The following EPHA6 variants were observed in gnomAD, a reference collection of about 807,000 sequenced individuals.
EPHA6 encodes the protein ephrin type-A receptor 6.
EPHA6 carries 50 observed loss-of-function variants against 112.0 expected under a neutral mutation model. The ratio of observed to expected loss-of-function variants is 0.45; its 90% CI spans 0.36 to 0.56. EPHA6 has a LOEUF of 0.56. Among genes scored for constraint, EPHA6 ranks in the 20% least tolerant of loss-of-function variants. EPHA6 has a pLI of 0.00. For missense variants in EPHA6, 1,280 were observed against 1,417.4 expected (o/e 0.90, Z 1.56); for synonymous variants, 529 against 490.7 (o/e 1.08, Z -1.03).
At chr3:97,182,069 G>C (rs1053377751) in intron 3 of EPHA6, among the ~76,000 whole-genome samples, 2 of 152,074 alleles carry the variant, frequency 1.3e-5, no homozygotes, top group African/African-American at 4.8e-5. Flanking sequence ...ATACCCCAGA[G>C]AAAAGATGAA....
chr3:96,881,372 A>G (rs9870572), intron 2 of EPHA6, among the ~76,000 whole-genome samples: 2,723 of 152,288 alleles, frequency 0.018, 72 homozygotes, highest in African/African-American at 0.049. Context: ...CTCTTCTTAC[A>G]TGGTGGTGGC....
chr3:97,254,647 A>G (rs2079249761), intron 5 of EPHA6, among the ~76,000 whole-genome samples: 2 of 152,192 alleles, frequency 1.3e-5, no homozygotes, highest in Non-Finnish European at 2.9e-5. Flanking sequence ...TAATCTAAAG[A>G]GAATGTAGAG....
rs369324200 is a variant in EPHA6 at position 97,345,077 on chromosome 3, A to AG, written c.1607-60069dup. ...AGGCAAAGTAGAGGGAAGCCAAATGAGGGGAAAAAAAAAAGGTCCAACCAA... is the reference window on the plus strand; with the variant it reads ...AGGCAAAGTAGAGGGAAGCCAAATGAGGGGGAAAAAAAAAAGGTCCAACCAA... On this transcript the variant is annotated intron_variant, in intron 5 of 17. Transcript: ENST00000389672. Among the ~76,000 whole-genome samples, 716 of 151,804 alleles carry AG rather than the reference A, an allele frequency of 4.7e-3. 6 individuals carry two copies. Among genetic ancestry groups the AG allele is most frequent in the African/African-American group, 0.016 (656 of 41,208 alleles).
chr3:97,535,979 A>G (rs895878240), intron 11 of EPHA6, among the ~76,000 whole-genome samples: 1 of 152,134 alleles, frequency 6.6e-6, no homozygotes, highest in African/African-American at 2.4e-5. Flanking sequence ...GTATTATCCA[A>G]AAAACTGTGT....
At chr3:97,411,198 A>G (rs2087691881) in intron 6 of EPHA6, among the ~76,000 whole-genome samples, 1 of 152,030 alleles carries the variant, frequency 6.6e-6, no homozygotes. Flanking sequence ...TTTTATATCC[A>G]ATTTCCATGT....
intron 14 of EPHA6, among the ~76,000 whole-genome samples, chr3:97,674,049 G>T (rs1256077575): frequency 6.6e-6 from 1 of 152,146 alleles, no homozygotes; most frequent in South Asian, 2.1e-4. Flanking sequence ...TGTGCAGAAC[G>T]ACAGAAAGAA....
chr3:97,189,942 T>A (rs2077256261), intron 3 of EPHA6, among the ~76,000 whole-genome samples: 1 of 152,076 alleles, frequency 6.6e-6, no homozygotes, highest in African/African-American at 2.4e-5. Context: ...CCCATGTAGA[T>A]CTCCCTTCTA....
chr3:97,642,360 G>A (rs1390702604), intron 14 of EPHA6, among the ~76,000 whole-genome samples: 2 of 131,830 alleles, frequency 1.5e-5, no homozygotes, highest in East Asian at 2.2e-4. Flanking sequence ...CAGAAAAACT[G>A]GAAACTCTAA....
At chr3:96,853,432 GT>G (rs1013294755) in intron 1 of EPHA6, among the ~76,000 whole-genome samples, 85 of 150,934 alleles carry the variant, frequency 5.6e-4, no homozygotes, top group East Asian at 3.9e-4. Context: ...GCCATTTGAT[GT>G]TTTTTTTTCC....
At chr3:96,980,201 T>C (rs149479983) in intron 2 of EPHA6, among the ~76,000 whole-genome samples, 11,147 of 152,252 alleles carry the variant, frequency 0.073, 534 homozygotes, top group East Asian at 0.14. Flanking sequence ...CATTTAAGTC[T>C]TTAATCCATC....
At chr3:97,047,171 A>G (rs528804259) in intron 3 of EPHA6, among the ~76,000 whole-genome samples, 9 of 152,206 alleles carry the variant, frequency 5.9e-5, no homozygotes, top group African/African-American at 2.2e-4. Flanking sequence ...AATACTAAAC[A>G]TATTGATTTA....
At chr3:97,167,220 A>G (rs2076562514) in intron 3 of EPHA6, among the ~76,000 whole-genome samples, 1 of 152,202 alleles carries the variant, frequency 6.6e-6, no homozygotes, top group South Asian at 2.1e-4. Flanking sequence ...TGGGTTTGAT[A>G]AGAAATCAAA....
chr3:97,228,128 G>T (rs1172412472), intron 4 of EPHA6, among the ~76,000 whole-genome samples: 1 of 152,062 alleles, frequency 6.6e-6, no homozygotes, highest in Non-Finnish European at 1.5e-5. Flanking sequence ...CCATGAGGGG[G>T]TCTGTTCAAT....
At chr3:97,010,910 G>T (rs754590238) in intron 3 of EPHA6, among the ~76,000 whole-genome samples, 33 of 152,226 alleles carry the variant, frequency 2.2e-4, no homozygotes, top group Admixed American at 3.3e-4. Context: ...AAAGAATTTG[G>T]TTTTTATTAA....
At chr3:97,193,772 T>C (rs755258099) in intron 3 of EPHA6, among the ~76,000 whole-genome samples, 58 of 152,080 alleles carry the variant, frequency 3.8e-4, no homozygotes. Flanking sequence ...ACTTTAGCTA[T>C]AGATCTGTCA....
chr3:97,205,362 G>A (rs933081203), intron 3 of EPHA6, among the ~76,000 whole-genome samples: 4 of 151,722 alleles, frequency 2.6e-5, no homozygotes, highest in African/African-American at 7.3e-5. Context: ...AATTACATAA[G>A]ATAGAATTTA....
intron 13 of EPHA6, among the ~76,000 whole-genome samples, chr3:97,631,196 C>A (rs2093899932): frequency 6.6e-6 from 1 of 151,938 alleles, no homozygotes; most frequent in Admixed American, 6.6e-5. Context: ...TATTTTTGTA[C>A]CAAAGGACGA....
chr3:96,939,685 A>T (rs1462681401), intron 2 of EPHA6, among the ~76,000 whole-genome samples: 1 of 151,884 alleles, frequency 6.6e-6, no homozygotes, highest in Non-Finnish European at 1.5e-5. Flanking sequence ...AGTTCTTTTA[A>T]TTGTGATGTT....
At chr3:96,995,399 A>T (rs2043383171) in intron 3 of EPHA6, among the ~76,000 whole-genome samples, 1 of 152,154 alleles carries the variant, frequency 6.6e-6, no homozygotes, top group South Asian at 2.1e-4. Flanking sequence ...CACACTGAAT[A>T]TAAACTCTTA....
Sources: allele counts gnomAD v4.1 joint callset (sites outside exome capture counted in the v4.1 genomes callset), GRCh38; gene constraint gnomAD v4.1.1; transcripts MANE v1.5; gene names NCBI Gene and HGNC (gene_info 2026-07-23, HGNC 2026-07-21).